Variants in PAPPA observed in about 807,000 individuals in gnomAD.
The protein encoded by PAPPA is pappalysin 1.
A neutral mutation model predicts 164.0 loss-of-function variants in PAPPA; 60 were observed. The ratio of observed to expected loss-of-function variants is 0.37; its 90% CI spans 0.30 to 0.45. The LOEUF (loss-of-function observed/expected upper bound fraction) is 0.45, where lower values mean the gene tolerates loss of function less well. PAPPA is among the 20% of genes least tolerant of loss of function. The pLI, the probability that PAPPA is intolerant of heterozygous loss-of-function variation, is 1.00. For synonymous variants in PAPPA, 875 were observed against 814.1 expected, an observed-to-expected ratio of 1.07 and a Z score of -1.27; for missense variants, 1,782 against 2,087.3, an observed-to-expected ratio of 0.85 and a Z score of 2.85.
intron 12 of PAPPA, among the ~76,000 whole-genome samples, chr9:116,334,167 T>A (rs150120101): frequency 2.0e-5 from 3 of 151,392 alleles, no homozygotes; most frequent in African/African-American, 7.3e-5. Flanking sequence ...CCTTTCCTTC[T>A]GTCCCTTGTG....
rs144983565 is a variant in PAPPA at position 116,245,878 on chromosome 9, C to T, written c.2732+10241C>T. On this transcript the variant is annotated intron_variant, in intron 7 of 21. Transcript: ENST00000328252. ...CTTACAACATGGTAAGAAACCTCTCCGCAAAGTAACAGAATCTTTTTCCAT... is the reference window on the plus strand; with the variant it reads ...CTTACAACATGGTAAGAAACCTCTCTGCAAAGTAACAGAATCTTTTTCCAT... Among the ~76,000 whole-genome samples the T allele has an allele frequency of 5.8e-3, 885 of 152,232 alleles. 12 individuals are homozygous for T. The highest frequency in any genetic ancestry group is 0.019 in the African/African-American group (771 of 41,536).
At chr9:116,383,625 C>T (rs990795492) in intron 21 of PAPPA, among the ~76,000 whole-genome samples, 8 of 152,238 alleles carry the variant, frequency 5.3e-5, no homozygotes, top group South Asian at 2.1e-4. Context: ...GAATCTCTGA[C>T]CCAAAATACA....
intron 1 of PAPPA, among the ~76,000 whole-genome samples, chr9:116,165,851 TC>T: frequency 6.6e-6 from 1 of 152,220 alleles, no homozygotes; most frequent in Non-Finnish European, 1.5e-5. Context: ...TGTAACTTGT[TC>T]CCTACCTTGT....
At chr9:116,226,376 T>G (rs1218245432) in intron 5 of PAPPA, among the ~76,000 whole-genome samples, 1 of 152,146 alleles carries the variant, frequency 6.6e-6, no homozygotes, top group Non-Finnish European at 1.5e-5. Flanking sequence ...AGAGGCATAG[T>G]GAACGTCCCT....
At chr9:116,208,050 A>C (rs1049264519) in intron 3 of PAPPA, among the ~76,000 whole-genome samples, 1 of 152,354 alleles carries the variant, frequency 6.6e-6, no homozygotes, top group African/African-American at 2.4e-5. Context: ...CCAAAGAGGC[A>C]AGAAAAAGTG....
At chr9:116,369,123 ACT>A (rs1846539481) in intron 19 of PAPPA, among the ~76,000 whole-genome samples, 1 of 147,604 alleles carries the variant, frequency 6.8e-6, no homozygotes, top group Non-Finnish European at 1.5e-5. Flanking sequence ...TCTCTCCCAC[ACT>A]CTCCTTTCCA....
At chr9:116,267,138 A>G (rs1451472778) in intron 8 of PAPPA, among the ~76,000 whole-genome samples, 2 of 152,242 alleles carry the variant, frequency 1.3e-5, no homozygotes, top group African/African-American at 4.8e-5. Flanking sequence ...TCGTAGGAGT[A>G]GTACATATAT....
At chr9:116,369,328 C>T (rs1846542787) in intron 19 of PAPPA, among the ~76,000 whole-genome samples, 1 of 152,148 alleles carries the variant, frequency 6.6e-6, no homozygotes, top group South Asian at 2.1e-4. Context: ...AGGGAGCCCA[C>T]ATGTCAGAAT....
intron 13 of PAPPA, among the ~76,000 whole-genome samples, chr9:116,341,283 T>C (rs946543165): frequency 2.6e-5 from 4 of 152,062 alleles, no homozygotes; most frequent in African/African-American, 9.7e-5. Flanking sequence ...TCAAGTGATC[T>C]ATCTGCCTCA....
At chr9:116,161,201 A>T (rs150241618) in intron 1 of PAPPA, among the ~76,000 whole-genome samples, 1 of 152,240 alleles carries the variant, frequency 6.6e-6, no homozygotes, top group Non-Finnish European at 1.5e-5. Context: ...TGATGGAGTT[A>T]GCAAACCTTT....
rs1588037316 is a variant in PAPPA, at chr9:116,401,262, T to A, written c.*4646T>A. On this transcript the variant is annotated 3_prime_UTR_variant, in exon 22 of 22. Coordinates refer to ENST00000328252, the MANE Select transcript of PAPPA (RefSeq NM_002581.5). ...CAATGTCAAAGTCAGCTAACTGTCG[T>A]CTACTTAAGACTTCTGGTCATTTCC... is the stretch of plus-strand genomic sequence containing the variant. 1.3e-5 allele frequency: 2 copies of A among 152,678 alleles called. No individual in the cohort carries two copies. The highest frequency in any genetic ancestry group is 1.9e-4 in the East Asian group (1 of 5,178). 9.5% of individuals were successfully genotyped at this position (152,678 alleles called of 1,614,324 possible).
chr9:116,215,301 T>C (rs766253566), intron 4 of PAPPA, among the ~76,000 whole-genome samples: 3 of 152,148 alleles, frequency 2.0e-5, no homozygotes, highest in African/African-American at 4.8e-5. Flanking sequence ...CCTTGCCTGA[T>C]TGTAGGTGTA....
chr9:116,204,884 G>A (rs574727598), intron 2 of PAPPA, among the ~76,000 whole-genome samples: 17 of 151,692 alleles, frequency 1.1e-4, no homozygotes, highest in African/African-American at 3.6e-4. Flanking sequence ...CTTCTATCTT[G>A]TTGACAAAAG....
chr9:116,252,545 TG>T (rs1844872197), intron 7 of PAPPA, among the ~76,000 whole-genome samples: 1 of 152,164 alleles, frequency 6.6e-6, no homozygotes, highest in African/African-American at 2.4e-5. Flanking sequence ...AGAGGGAAGA[TG>T]GGTGTGGTGG....
chr9:116,165,172 A>C lies in PAPPA; in HGVS notation c.415+10585A>C, dbSNP rs536751543. Reference sequence around the variant, plus strand: ...TAGATCCTCCATTGGTAGATACTTTAAAGTCTTAAGCCAGGTCTGGGTCCA... The same window carrying C: ...TAGATCCTCCATTGGTAGATACTTTCAAGTCTTAAGCCAGGTCTGGGTCCA... On this transcript the variant is annotated intron_variant, in intron 1 of 21. Coordinates refer to ENST00000328252, the MANE Select transcript of PAPPA (RefSeq NM_002581.5). Among the ~76,000 whole-genome samples, 70 of 152,346 alleles carry C rather than the reference A, an allele frequency of 4.6e-4. 1 individual carries two copies. The highest frequency in any genetic ancestry group is 1.5e-3 in the African/African-American group (61 of 41,578).
chr9:116,261,495 A>G (rs905837862), intron 7 of PAPPA, among the ~76,000 whole-genome samples: 13 of 152,302 alleles, frequency 8.5e-5, no homozygotes, highest in African/African-American at 1.9e-4. Context: ...CCTAATTAAA[A>G]GACAGAAAAA....
chr9:116,192,012 C>T (rs1844048524), intron 2 of PAPPA, among the ~76,000 whole-genome samples: 1 of 152,098 alleles, frequency 6.6e-6, no homozygotes, highest in South Asian at 2.1e-4. Context: ...GATTTCCTGG[C>T]AGCAGCTGTG....
At chr9:116,364,899 A>G (rs755646449) in intron 18 of PAPPA, among the ~76,000 whole-genome samples, 1 of 152,132 alleles carries the variant, frequency 6.6e-6, no homozygotes, top group Non-Finnish European at 1.5e-5. Context: ...GCTGGCACCC[A>G]GATGTCCATC....
At chr9:116,331,408 A>C (rs1845989676) in intron 11 of PAPPA, 51 bp downstream of exon 11, 1 of 1,066,652 alleles carries the variant, frequency 9.4e-7, no homozygotes, top group South Asian at 1.3e-5. Context: ...AGCCACAGAA[A>C]ACACTGACTC....
Sources: gnomAD v4.1 joint callset for allele counts (sites outside exome capture counted in the v4.1 genomes callset) on GRCh38, gnomAD v4.1.1 for gene constraint, MANE v1.5 for transcripts, NCBI Gene and HGNC (gene_info 2026-07-23, HGNC 2026-07-21) for gene names.